Variants in RAB3GAP2 observed in about 807,000 individuals in gnomAD.
RAB3GAP2 encodes rab3 GTPase-activating protein non-catalytic subunit.
In RAB3GAP2, 87 loss-of-function variants were observed where a neutral mutation model predicts 185.3. The ratio of observed to expected loss-of-function variants is 0.47; its 90% CI spans 0.39 to 0.56. The LOEUF is 0.56. RAB3GAP2 is among the 20% of genes least tolerant of loss of function. The pLI, the probability that RAB3GAP2 is intolerant of heterozygous loss-of-function variation, is 0.00. For missense variants in RAB3GAP2, 1,492 were observed against 1,638.2 expected, an observed-to-expected ratio of 0.91 and a Z score of 1.54; for synonymous variants, 554 against 576.1, an observed-to-expected ratio of 0.96 and a Z score of 0.55.
intron 1 of RAB3GAP2, among the ~76,000 whole-genome samples, chr1:220,238,628 A>G (rs10863539): frequency 0.095 from 14,522 of 152,120 alleles, 1,114 homozygotes; most frequent in African/African-American, 0.21. Flanking sequence ...TCCAAATACA[A>G]CATTCTCTCT....
At chr1:220,183,720 T>C (rs954426547) in intron 19 of RAB3GAP2, among the ~76,000 whole-genome samples, 2 of 152,162 alleles carry the variant, frequency 1.3e-5, no homozygotes, top group African/African-American at 4.8e-5. Context: ...AATATTCTCA[T>C]TGTATCTACA....
At chr1:220,262,612 C>A (rs1660161253) in intron 1 of RAB3GAP2, among the ~76,000 whole-genome samples, 1 of 152,188 alleles carries the variant, frequency 6.6e-6, no homozygotes, top group Non-Finnish European at 1.5e-5. Flanking sequence ...CATAATTTAA[C>A]AAGGTTCATT....
chr1:220,272,262 G>C lies in RAB3GAP2; in HGVS notation c.76C>G (p.Arg26Gly). ...AAGGCGCCGCTGAGGATCTCCTCCC[G>C]CAGGTGAGGAAAGAGGAAGTCCCGG... is the stretch of plus-strand genomic sequence containing the variant. Reference protein sequence around the residue: ...AARDFLFPHLREEILSGALRR... With the variant: ...AARDFLFPHLGEEILSGALRR... The change falls in exon 1 of 35, where the codon CGG (arginine) becomes GGG (glycine). Residue 26 changes from arginine to glycine, a missense_variant. By Grantham distance (125) the Arg-to-Gly change is moderately radical. Coordinates refer to ENST00000358951, the MANE Select transcript of RAB3GAP2 (RefSeq NM_012414.4). 6.2e-7 allele frequency: 1 copy of C among 1,611,582 alleles called. No individual in the cohort carries two copies. Among genetic ancestry groups the C allele is most frequent in the East Asian group, 2.2e-5 (1 of 44,794 alleles).
intron 2 of RAB3GAP2, among the ~76,000 whole-genome samples, chr1:220,226,911 G>C (rs139623479): frequency 1.3e-5 from 2 of 151,740 alleles, no homozygotes; most frequent in Non-Finnish European, 2.9e-5. Context: ...AAGAGGAAGA[G>C]ACACCAGAAC....
At chr1:220,217,817 G>A (rs902882238) in intron 2 of RAB3GAP2, among the ~76,000 whole-genome samples, 1 of 152,140 alleles carries the variant, frequency 6.6e-6, no homozygotes, top group Admixed American at 6.5e-5. Flanking sequence ...GATTCTGGCT[G>A]ACATATTCAT....
chr1:220,154,682 G>C (rs372748989), intron 31 of RAB3GAP2, among the ~76,000 whole-genome samples: 1 of 150,468 alleles, frequency 6.6e-6, no homozygotes, highest in Non-Finnish European at 1.5e-5. Flanking sequence ...GATTTACTCC[G>C]CAGTAATAGC....
In RAB3GAP2 at chr1:220,172,740, A is replaced by G; in HGVS notation, c.2313T>C (p.Ser771=). The G allele has an allele frequency of 6.2e-7, 1 of 1,601,708 alleles. No homozygotes were observed. The highest frequency in any genetic ancestry group is 8.6e-7 in the Non-Finnish European group (1 of 1,168,748). The part of the protein sequence containing the change: ...SAGLSPQLLL[S]LLLSVWLSKE... ...TTGAAAGCCAAACACTCAGGAGCAG[A>G]GACTGAAATCAAATTTAAATCTTTT... Residue 771 remains serine, a splice_region_variant and synonymous_variant, in exon 22 of 35, where the codon TCT becomes TCC. Coordinates refer to ENST00000358951, the MANE Select transcript of RAB3GAP2 (RefSeq NM_012414.4).
At chr1:220,154,109 A>G (rs1178999804) in intron 31 of RAB3GAP2, 52 bp from the exon 32 acceptor site, 10 of 1,600,662 alleles carry the variant, frequency 6.2e-6, no homozygotes, top group African/African-American at 1.3e-5. Context: ...TTAAGGGGGG[A>G]GAGGGAGAAA....
intron 8 of RAB3GAP2, among the ~76,000 whole-genome samples, chr1:220,204,733 C>T (rs1049640606): frequency 5.2e-5 from 6 of 114,616 alleles, no homozygotes; most frequent in African/African-American, 2.0e-4. Flanking sequence ...CTATCCCTCC[C>T]CCCTCCCCCC....
chr1:220,257,283 C>A (rs1036251393), intron 1 of RAB3GAP2, among the ~76,000 whole-genome samples: 1 of 151,758 alleles, frequency 6.6e-6, no homozygotes, highest in Non-Finnish European at 1.5e-5. Context: ...GAGGCTGAGG[C>A]AGGAGACTCA....
intron 7 of RAB3GAP2, 72 bp downstream of exon 7, chr1:220,210,316 C>T: frequency 9.1e-7 from 1 of 1,093,210 alleles, no homozygotes; most frequent in Non-Finnish European, 1.4e-6. Flanking sequence ...TAAGTTTCTA[C>T]CTAAAAAAGA....
intron 1 of RAB3GAP2, among the ~76,000 whole-genome samples, chr1:220,261,168 T>C (rs890517735): frequency 2.0e-5 from 3 of 152,192 alleles, no homozygotes; most frequent in African/African-American, 7.2e-5. Context: ...TAGACTCACA[T>C]TGTACAAAGA....
intron 9 of RAB3GAP2, among the ~76,000 whole-genome samples, chr1:220,198,396 AGG>A (rs528796948): frequency 6.3e-4 from 96 of 152,332 alleles, no homozygotes; most frequent in African/African-American, 2.3e-3. Flanking sequence ...TGAAGCAACA[AGG>A]CTGTTTGAGA....
intron 13 of RAB3GAP2, among the ~76,000 whole-genome samples, chr1:220,191,753 G>A (rs1011629503): frequency 1.3e-5 from 2 of 152,000 alleles, no homozygotes; most frequent in Non-Finnish European, 2.9e-5. Context: ...AGGAGGTGGA[G>A]GTTGCAGTGA....
intron 31 of RAB3GAP2, among the ~76,000 whole-genome samples, chr1:220,154,862 A>T (rs1275744962): frequency 6.6e-6 from 1 of 151,898 alleles, no homozygotes; most frequent in African/African-American, 2.4e-5. Context: ...CTGGGACTAC[A>T]GGCGTGTACT....
chr1:220,250,354 G>C (rs553347036), intron 1 of RAB3GAP2, among the ~76,000 whole-genome samples: 76 of 152,298 alleles, frequency 5.0e-4, no homozygotes, highest in Non-Finnish European at 2.8e-4. Context: ...CTTTGTTTTG[G>C]TCAATTTCTC....
rs192343949 is a variant in RAB3GAP2 at position 220,160,026 on chromosome 1, A to G, written c.3226-605T>C. On this transcript the variant is annotated intron_variant, in intron 28 of 34. Coordinates refer to ENST00000358951, the MANE Select transcript of RAB3GAP2 (RefSeq NM_012414.4). ...AGTGAGACTCCATCCCACTCCTACC[A>G]AAGAAAAACTAAAAAAAAAACCCAG... Among the ~76,000 whole-genome samples the G allele has an allele frequency of 1.0e-3, 155 of 152,108 alleles. 1 individual carries two copies. Among genetic ancestry groups the G allele is most frequent in the African/African-American group, 3.7e-3 (152 of 41,476 alleles).
intron 2 of RAB3GAP2, among the ~76,000 whole-genome samples, chr1:220,224,840 T>C (rs575053768): frequency 6.6e-5 from 10 of 152,300 alleles, no homozygotes; most frequent in African/African-American, 1.9e-4. Context: ...CCTAGTTGCA[T>C]TGCAAAATCA....
intron 1 of RAB3GAP2, chr1:220,266,962 C>T: frequency 6.2e-7 from 1 of 1,603,828 alleles, no homozygotes; most frequent in East Asian, 2.2e-5. Context: ...AAATTCACAG[C>T]AAAGAACTCC....
Sources: gnomAD v4.1 joint callset for allele counts (sites outside exome capture counted in the v4.1 genomes callset) on GRCh38, gnomAD v4.1.1 for gene constraint, MANE v1.5 for transcripts, NCBI Gene and HGNC (gene_info 2026-07-23, HGNC 2026-07-21) for gene names.